EML6: variants seen among roughly 807,000 people sequenced by gnomAD.
EML6 encodes the protein echinoderm microtubule-associated protein-like 6.
EML6 carries 154 observed loss-of-function variants against 240.1 expected under a neutral mutation model. The observed-to-expected ratio is 0.64, with a 90% CI of 0.56 to 0.73. The LOEUF is 0.73. Ranked by LOEUF, EML6 falls within the 30% of genes least tolerant of loss-of-function variation. The pLI, the probability that EML6 is intolerant of heterozygous loss-of-function variation, is 0.00. For synonymous variants in EML6, 1,148 were observed against 899.0 expected (o/e 1.28, Z -4.95); for missense variants, 2,964 against 2,474.6 (o/e 1.20, Z -4.20).
At chr2:54,906,399 C>T (rs1056204156) in intron 24 of EML6, among the ~76,000 whole-genome samples, 3 of 152,060 alleles carry the variant, frequency 2.0e-5, no homozygotes, top group Non-Finnish European at 2.9e-5. Flanking sequence ...GTGGAGGGGC[C>T]TGGGGGAAGG....
chr2:54,835,873 T>G (rs1280518025), intron 7 of EML6, among the ~76,000 whole-genome samples: 1 of 152,160 alleles, frequency 6.6e-6, no homozygotes, highest in Non-Finnish European at 1.5e-5. Context: ...ATGTTGATAG[T>G]GTTGTTGTTA....
chr2:54,932,462 G>C (rs1674913225), intron 28 of EML6, among the ~76,000 whole-genome samples: 1 of 152,176 alleles, frequency 6.6e-6, no homozygotes, highest in Non-Finnish European at 1.5e-5. Flanking sequence ...TTCTGGTCTA[G>C]AGGAACCCTT....
In EML6 at chr2:54,774,773, G is replaced by A. The variant is rs931788128; in HGVS notation, c.198-38459G>A. 6.6e-6 allele frequency among the ~76,000 whole-genome samples: 1 copy of A among 152,186 alleles called. No individual in the cohort carries two copies. Among genetic ancestry groups the A allele is most frequent in the East Asian group, 1.9e-4 (1 of 5,198 alleles). On this transcript the variant is annotated intron_variant, in intron 2 of 41. Transcript: ENST00000356458. This position sits in a 1 kb window ranked among gnomAD's most constrained non-coding sequence, Gnocchi z 4.1. ...CTAATGATCAAATTTAGAAAATAGT[G>A]TATTGCAAAATCTTTATCTTCTACT...
chr2:54,962,452 C>T, intron 35 of EML6, 71 bp from the exon 36 acceptor site: 3 of 1,205,114 alleles, frequency 2.5e-6, no homozygotes, highest in South Asian at 1.7e-5. Context: ...AATTTGTCTA[C>T]TCTAGATACC....
chr2:54,917,931 G>C (rs1039018643), intron 26 of EML6, among the ~76,000 whole-genome samples: 20 of 152,200 alleles, frequency 1.3e-4, no homozygotes, highest in African/African-American at 4.3e-4. Context: ...GATCAGGTCA[G>C]AGCACAGTGG....
rs376197149 is a variant in EML6, at chr2:54,941,756, GCA to G, written c.4005-7122_4005-7121del. 8.8e-3 allele frequency among the ~76,000 whole-genome samples: 1,339 copies of G among 152,328 alleles called. 23 individuals are homozygous for G. The highest frequency in any genetic ancestry group is 0.014 in the Middle Eastern group (4 of 294). ...CAGCTCTCCCCATGGGAGAGTGATG[GCA>G]CACGCGTAGTGCACGCAGGGCGAGG... On this transcript the variant is annotated intron_variant, in intron 28 of 41. Coordinates refer to ENST00000356458, the MANE Select transcript of EML6 (RefSeq NM_001039753.4).
chr2:54,825,059 C>T (rs1045681549), intron 5 of EML6, among the ~76,000 whole-genome samples: 2 of 152,150 alleles, frequency 1.3e-5, no homozygotes, highest in Non-Finnish European at 2.9e-5. Context: ...GACCTGGTGA[C>T]TTGTCAATAA....
At chr2:54,846,574 C>G (rs1405158526) in intron 8 of EML6, among the ~76,000 whole-genome samples, 1 of 150,854 alleles carries the variant, frequency 6.6e-6, no homozygotes, top group African/African-American at 2.4e-5. Flanking sequence ...ACCTTGAACT[C>G]CTAGGCTCAA....
At chr2:54,740,721 T>C (rs1011720166) in intron 2 of EML6, among the ~76,000 whole-genome samples, 11 of 151,866 alleles carry the variant, frequency 7.2e-5, no homozygotes, top group African/African-American at 2.2e-4. Context: ...TTTTTTTTTT[T>C]CTTGGGACAA....
At chr2:54,873,939 C>T (rs1280888542) in intron 16 of EML6, among the ~76,000 whole-genome samples, 3 of 150,996 alleles carry the variant, frequency 2.0e-5, no homozygotes, top group Non-Finnish European at 4.4e-5. Flanking sequence ...AAAAATTGAA[C>T]TCAAAATACC....
In EML6 at chr2:54,957,998, T is replaced by C; in HGVS notation, c.4695T>C (p.Ala1565=). 6.5e-7 allele frequency: 1 copy of C among 1,549,064 alleles called. No individual in the cohort carries two copies. Among genetic ancestry groups the C allele is most frequent in the South Asian group, 1.2e-5 (1 of 83,882 alleles). The change falls in exon 33 of 42, where the codon GCT becomes GCC. Residue 1565 remains alanine, a splice_region_variant and synonymous_variant. Coordinates refer to ENST00000356458, the MANE Select transcript of EML6 (RefSeq NM_001039753.4). ...MQTMLSVAFG[A]NNLTFTGAIN... Reference sequence around the variant, plus strand: ...CGATGCTCTCCGTGGCCTTCGGTGCTGTGAGTTCTAGCAGATACTCCCTGA... The same window carrying C: ...CGATGCTCTCCGTGGCCTTCGGTGCCGTGAGTTCTAGCAGATACTCCCTGA...
chr2:54,954,114 G>T lies in EML6; in HGVS notation c.4444G>T (p.Val1482Leu). The change falls in exon 32 of 42, where the codon GTG becomes TTG. Residue 1482 changes from valine (V) to leucine (L), a missense_variant. Coordinates refer to ENST00000356458, the MANE Select transcript of EML6 (RefSeq NM_001039753.4). ...ATGKLLVSVG[V>L]DPEHTITVWR... ...TGGAAAGCTCCTGGTGTCGGTGGGAGTGGACCCTGAGCACACCATCACTGT... is the reference window on the plus strand; with the variant it reads ...TGGAAAGCTCCTGGTGTCGGTGGGATTGGACCCTGAGCACACCATCACTGT... 6.4e-7 allele frequency: 1 copy of T among 1,551,670 alleles called. No individual in the cohort carries two copies. The highest frequency in any genetic ancestry group is 8.7e-7 in the Non-Finnish European group (1 of 1,146,974).
intron 7 of EML6, among the ~76,000 whole-genome samples, chr2:54,836,715 A>G (rs1669164053): frequency 6.6e-6 from 1 of 152,160 alleles, no homozygotes; most frequent in African/African-American, 2.4e-5. Flanking sequence ...GGTACTCAGG[A>G]GGGCCCTGCG....
intron 3 of EML6, among the ~76,000 whole-genome samples, chr2:54,814,877 G>C (rs1558572788): frequency 6.6e-6 from 1 of 152,208 alleles, no homozygotes; most frequent in South Asian, 2.1e-4. Flanking sequence ...CAGTTAGTCA[G>C]TTTAATGCAT....
At chr2:54,970,038 T>C in intron 41 of EML6, 33 bp from the exon 42 acceptor site, 1 of 1,551,348 alleles carries the variant, frequency 6.4e-7, no homozygotes, top group Non-Finnish European at 8.7e-7. Flanking sequence ...GATGTCCAGC[T>C]ATGCAAAATG....
chr2:54,781,372 A>T (rs187127532), intron 2 of EML6, among the ~76,000 whole-genome samples: 79 of 152,362 alleles, frequency 5.2e-4, no homozygotes, highest in Admixed American at 2.8e-3. Context: ...AAGAAGATGC[A>T]GCTGATGGCT....
chr2:54,878,886 A>T (rs1671665360), intron 16 of EML6, among the ~76,000 whole-genome samples: 2 of 152,198 alleles, frequency 1.3e-5, no homozygotes, highest in African/African-American at 4.8e-5. Context: ...GATTGGTAGG[A>T]TATATATCAA....
chr2:54,760,163 A>G (rs564740143), intron 2 of EML6, among the ~76,000 whole-genome samples: 1 of 151,694 alleles, frequency 6.6e-6, no homozygotes, highest in Non-Finnish European at 1.5e-5. Flanking sequence ...TTAATCATTG[A>G]AAATTAATTT....
chr2:54,869,070 G>A (rs1671117823), intron 14 of EML6, 111 bp from the exon 15 acceptor site: 1 of 639,030 alleles, frequency 1.6e-6, no homozygotes, highest in Non-Finnish European at 2.6e-6. Context: ...GACACCTGGG[G>A]TTCCACTTGT....
Sources: allele counts gnomAD v4.1 joint callset (sites outside exome capture counted in the v4.1 genomes callset), GRCh38; gene constraint gnomAD v4.1.1; non-coding constraint Gnocchi (gnomAD v3.1); transcripts MANE v1.5; gene names NCBI Gene and HGNC (gene_info 2026-07-23, HGNC 2026-07-21).